ZNF385D: variants seen among roughly 807,000 people sequenced by gnomAD.
The protein encoded by ZNF385D is zinc finger protein 659.
A neutral mutation model predicts 35.8 loss-of-function variants in ZNF385D; 15 were observed. The ratio of observed to expected loss-of-function variants is 0.42; its 90% CI spans 0.28 to 0.64. The LOEUF is 0.64. Ranked by LOEUF, ZNF385D falls within the 30% of genes least tolerant of loss-of-function variation. The pLI is 0.23. For missense variants in ZNF385D, 474 were observed against 494.6 expected, an observed-to-expected ratio of 0.96 and a Z score of 0.39; for synonymous variants, 212 against 186.8, an observed-to-expected ratio of 1.13 and a Z score of -1.10.
intron 3 of ZNF385D, among the ~76,000 whole-genome samples, chr3:22,003,639 A>G (rs1695998829): frequency 6.6e-6 from 1 of 152,072 alleles, no homozygotes; most frequent in Admixed American, 6.6e-5. Flanking sequence ...GGCCAAGGTG[A>G]GTGGATCACT....
intron 3 of ZNF385D, among the ~76,000 whole-genome samples, chr3:22,034,970 GA>G (rs1698224307): frequency 6.6e-6 from 1 of 151,922 alleles, no homozygotes; most frequent in Non-Finnish European, 1.5e-5. Flanking sequence ...ATATCAATAG[GA>G]AAAATTTATA....
intron 2 of ZNF385D, among the ~76,000 whole-genome samples, chr3:21,567,918 C>T (rs544661178): frequency 2.6e-5 from 4 of 152,006 alleles, no homozygotes; most frequent in Admixed American, 6.6e-5. Context: ...CTAGTCACTT[C>T]GTGCAAATGT....
chr3:22,256,225 A>G (rs1700309559), intron 2 of ZNF385D, among the ~76,000 whole-genome samples: 1 of 114,498 alleles, frequency 8.7e-6, no homozygotes, highest in South Asian at 2.7e-4. Flanking sequence ...ATATACACAC[A>G]TATACACATA....
intron 4 of ZNF385D, among the ~76,000 whole-genome samples, chr3:21,447,649 G>A (rs975060454): frequency 6.6e-6 from 1 of 152,230 alleles, no homozygotes; most frequent in East Asian, 1.9e-4. Flanking sequence ...GATATCTAAC[G>A]GTTGGAATTA....
intron 3 of ZNF385D, among the ~76,000 whole-genome samples, chr3:21,850,056 T>C (rs955042379): frequency 2.6e-5 from 4 of 152,126 alleles, no homozygotes; most frequent in Admixed American, 6.6e-5. Context: ...AAATTGTTTA[T>C]TGAGTTTAAA....
intron 1 of ZNF385D, among the ~76,000 whole-genome samples, chr3:21,715,310 T>A (rs1202199886): frequency 3.3e-5 from 5 of 151,956 alleles, no homozygotes. Context: ...GTGTTCACCT[T>A]TTTTTTAAGC....
intron 3 of ZNF385D, among the ~76,000 whole-genome samples, chr3:21,802,964 A>C (rs1044012953): frequency 6.6e-5 from 10 of 152,220 alleles, no homozygotes; most frequent in Admixed American, 3.9e-4. Context: ...GGAGAAGAGA[A>C]GAACGAGTGG....
intron 3 of ZNF385D, among the ~76,000 whole-genome samples, chr3:21,932,047 G>A (rs2125249057): frequency 6.6e-6 from 1 of 151,600 alleles, no homozygotes; most frequent in South Asian, 2.1e-4. Flanking sequence ...GGCACCTGTG[G>A]TCCCAGCTAC....
At chr3:21,687,197 G>T (rs1282341600) in intron 1 of ZNF385D, among the ~76,000 whole-genome samples, 1 of 152,034 alleles carries the variant, frequency 6.6e-6, no homozygotes, top group Non-Finnish European at 1.5e-5. Flanking sequence ...ACATGCGTGG[G>T]GTCATCTTAG....
chr3:22,084,149 C>T (rs1213666513), intron 3 of ZNF385D, among the ~76,000 whole-genome samples: 1 of 152,168 alleles, frequency 6.6e-6, no homozygotes, highest in Non-Finnish European at 1.5e-5. Flanking sequence ...TAACGACCAT[C>T]GTTGCTAGGA....
intron 3 of ZNF385D, among the ~76,000 whole-genome samples, chr3:22,091,845 T>G (rs1701348237): frequency 6.6e-6 from 1 of 152,236 alleles, no homozygotes; most frequent in African/African-American, 2.4e-5. Context: ...TTATTTTATA[T>G]ACAAGTGGTA....
At chr3:22,017,265 A>G (rs1209974822) in intron 3 of ZNF385D, among the ~76,000 whole-genome samples, 1 of 152,116 alleles carries the variant, frequency 6.6e-6, no homozygotes, top group Non-Finnish European at 1.5e-5. Flanking sequence ...CATCACATAC[A>G]GACATAGTGA....
intron 2 of ZNF385D, among the ~76,000 whole-genome samples, chr3:22,213,081 A>G (rs372528504): frequency 7.9e-5 from 12 of 152,086 alleles, no homozygotes; most frequent in East Asian, 3.9e-4. Context: ...TTCAGTTTAT[A>G]AATTTCCTTT....
At chr3:21,728,078 T>G (rs373571559) in intron 1 of ZNF385D, among the ~76,000 whole-genome samples, 4 of 151,556 alleles carry the variant, frequency 2.6e-5, no homozygotes, top group African/African-American at 9.7e-5. Flanking sequence ...TACGTGGGAG[T>G]TGAACAATGA....
At position 22,164,216 on chromosome 3, in the gene ZNF385D, C is replaced by CTTTTTTTTTTTT. The variant is rs571978176; in HGVS notation, c.325+4589_325+4600dup. On this transcript the variant is annotated intron_variant, in intron 3 of 5. Coordinates refer to the ZNF385D transcript ENST00000494108. ...CACTATAGGTAATACAAAAGGAGCA[C>CTTTTTTTTTTTT]TTTTTTTTTTTTTTTTTTTTTTTTT... Among the ~76,000 whole-genome samples the CTTTTTTTTTTTT allele has an allele frequency of 4.8e-4, 36 of 74,950 alleles. 1 individual carries two copies. Among genetic ancestry groups the CTTTTTTTTTTTT allele is most frequent in the African/African-American group, 1.2e-3 (23 of 19,880 alleles). The allele number at this position is 74,950 out of a possible 152,430, so 49.2% of individuals were successfully genotyped here. A position where few individuals can be genotyped will look rare whatever the true frequency, so the allele number is the denominator to read the frequency against.
chr3:21,716,817 G>A (rs1282345909), intron 1 of ZNF385D, among the ~76,000 whole-genome samples: 1 of 151,800 alleles, frequency 6.6e-6, no homozygotes, highest in Non-Finnish European at 1.5e-5. Flanking sequence ...TCATTGCTCT[G>A]CCCTCAGCGC....
At chr3:21,619,851 C>A (rs1429607858) in intron 2 of ZNF385D, among the ~76,000 whole-genome samples, 1 of 152,122 alleles carries the variant, frequency 6.6e-6, no homozygotes, top group East Asian at 1.9e-4. Context: ...CACACTGTGC[C>A]TGAGAAAGAA....
At chr3:21,881,626 C>T (rs1204360593) in intron 3 of ZNF385D, among the ~76,000 whole-genome samples, 2 of 151,918 alleles carry the variant, frequency 1.3e-5, no homozygotes, top group African/African-American at 4.8e-5. Context: ...ACCCATGAAT[C>T]AAGGAGTAAT....
At position 21,953,502 on chromosome 3, in the gene ZNF385D, C is replaced by A. The variant is rs370259697; in HGVS notation, c.325+215315G>T. On this transcript the variant is annotated intron_variant, in intron 3 of 5. Transcript: ENST00000494108. The stretch of plus-strand genomic sequence containing the variant: ...ATTAAATATTTACATCCAAGTAATA[C>A]TTCTAAGAAAAGTTTTATCAAATGG... Among the ~76,000 whole-genome samples the A allele has an allele frequency of 1.7e-4, 26 of 151,968 alleles. 1 individual carries two copies. Among genetic ancestry groups the A allele is most frequent in the Admixed American group, 9.9e-4 (15 of 15,226 alleles).
Sources: gnomAD v4.1 joint callset for allele counts (sites outside exome capture counted in the v4.1 genomes callset) on GRCh38, gnomAD v4.1.1 for gene constraint, MANE v1.5 for transcripts, NCBI Gene and HGNC (gene_info 2026-07-23, HGNC 2026-07-21) for gene names.